LNP1: variants seen among roughly 807,000 people sequenced by gnomAD.
LNP1 encodes the protein leukemia NUP98 fusion partner 1.
In LNP1, 12 loss-of-function variants were observed where a neutral mutation model predicts 14.5. The observed-to-expected ratio is 0.83, with a 90% CI of 0.53 to 1.34. The LOEUF (loss-of-function observed/expected upper bound fraction) is 1.34, where lower values mean the gene tolerates loss of function less well. Among genes scored for constraint, LNP1 ranks in the 40% most tolerant of loss-of-function variants. The pLI is 0.00. For synonymous variants in LNP1, 75 were observed against 71.4 expected (o/e 1.05, Z -0.26); for missense variants, 198 against 210.9 (o/e 0.94, Z 0.38).
chr3:100,407,937 A>G (rs1190633106), intron 1 of LNP1, among the ~76,000 whole-genome samples: 1 of 152,102 alleles, frequency 6.6e-6, no homozygotes, highest in Non-Finnish European at 1.5e-5. Context: ...GTCTGATTTT[A>G]TTATTTCAAT....
chr3:100,429,329 T>A (rs531075215), intron 1 of LNP1, among the ~76,000 whole-genome samples: 1 of 152,194 alleles, frequency 6.6e-6, no homozygotes, highest in East Asian at 1.9e-4. Flanking sequence ...ATTGTGAGGG[T>A]CATGCTCCAT....
At chr3:100,452,184 G>C (rs564044954) in intron 3 of LNP1, among the ~76,000 whole-genome samples, 4 of 150,164 alleles carry the variant, frequency 2.7e-5, no homozygotes, top group South Asian at 2.1e-4. Flanking sequence ...TGTTACCAAA[G>C]TCTTCTAGTT....
chr3:100,447,865 T>C (rs886113005), intron 2 of LNP1, among the ~76,000 whole-genome samples: 12 of 152,196 alleles, frequency 7.9e-5, no homozygotes, highest in African/African-American at 2.9e-4. Flanking sequence ...TTGTTTTATA[T>C]ATGAGCTTTA....
At position 100,425,240 on chromosome 3, in the gene LNP1, C is replaced by T. The variant is rs138685362; in HGVS notation, c.-33-4457C>T. On this transcript the variant is annotated intron_variant, in intron 1 of 3. Transcript: ENST00000383693. ...CAGAGCCCCCAGTGTGTCTTCCCAC[C>T]GTGGGGAATTCAGCCTATGGTTTCC... Among the ~76,000 whole-genome samples, 56 of 152,306 alleles carry T rather than the reference C, an allele frequency of 3.7e-4. No individual in the cohort carries two copies. The East Asian group carries it at 8.5e-3, about 23-fold the overall frequency.
intron 2 of LNP1, among the ~76,000 whole-genome samples, chr3:100,436,943 G>A (rs150107745): frequency 0.01 from 1,551 of 152,260 alleles, 16 homozygotes; most frequent in Middle Eastern, 0.027. Flanking sequence ...GTCATGTGAG[G>A]TTGCAGTGAG....
intron 1 of LNP1, among the ~76,000 whole-genome samples, chr3:100,406,262 G>T (rs943041381): frequency 6.6e-6 from 1 of 152,052 alleles, no homozygotes; most frequent in Non-Finnish European, 1.5e-5. Flanking sequence ...CTCCAGCCTG[G>T]GTGACAGAGT....
At chr3:100,442,432 A>G (rs571300107) in intron 2 of LNP1, among the ~76,000 whole-genome samples, 1 of 152,300 alleles carries the variant, frequency 6.6e-6, no homozygotes, top group East Asian at 1.9e-4. Flanking sequence ...GTTTGGTTTT[A>G]TACATTCTAG....
intron 2 of LNP1, among the ~76,000 whole-genome samples, chr3:100,445,570 A>T (rs951517728): frequency 6.6e-6 from 1 of 152,242 alleles, no homozygotes; most frequent in Non-Finnish European, 1.5e-5. Context: ...AGAGAGATAC[A>T]CGATGTAAGA....
At chr3:100,410,084 T>C (rs1449253348) in intron 1 of LNP1, among the ~76,000 whole-genome samples, 1 of 152,110 alleles carries the variant, frequency 6.6e-6, no homozygotes, top group Non-Finnish European at 1.5e-5. Flanking sequence ...GGTGCTAATG[T>C]AACAGAAAAA....
At chr3:100,407,885 A>G (rs1397867420) in intron 1 of LNP1, among the ~76,000 whole-genome samples, 3 of 151,826 alleles carry the variant, frequency 2.0e-5, no homozygotes, top group South Asian at 2.1e-4. Context: ...GATGCTCTCT[A>G]TTACATTTTT....
intron 1 of LNP1, among the ~76,000 whole-genome samples, chr3:100,414,796 G>A (rs1707065353): frequency 1.3e-5 from 2 of 152,144 alleles, no homozygotes; most frequent in Admixed American, 1.3e-4. Context: ...ATGATGGGTG[G>A]ACTTGGAAGA....
At chr3:100,438,781 A>G (rs545583842) in intron 2 of LNP1, among the ~76,000 whole-genome samples, 2 of 152,266 alleles carry the variant, frequency 1.3e-5, no homozygotes, top group African/African-American at 4.8e-5. Context: ...GCCTGCTGCA[A>G]TGCTGTAGCC....
At chr3:100,450,448 C>T (rs939610227) in intron 2 of LNP1, among the ~76,000 whole-genome samples, 5 of 151,936 alleles carry the variant, frequency 3.3e-5, no homozygotes, top group African/African-American at 1.2e-4. Flanking sequence ...ATTCTCCTGC[C>T]TCAGCCTCCC....
intron 2 of LNP1, among the ~76,000 whole-genome samples, chr3:100,441,637 T>C (rs902463415): frequency 3.4e-5 from 5 of 147,998 alleles, no homozygotes; most frequent in African/African-American, 1.2e-4. Flanking sequence ...TTTAAATATA[T>C]ATATATATAT....
intron 1 of LNP1, among the ~76,000 whole-genome samples, chr3:100,408,734 G>A (rs973598830): frequency 2.0e-5 from 3 of 152,092 alleles, no homozygotes; most frequent in Non-Finnish European, 4.4e-5. Context: ...TGGTATTGGG[G>A]TCCAAGGCAA....
At chr3:100,452,738 A>G (rs1559847600) in intron 3 of LNP1, among the ~76,000 whole-genome samples, 1 of 152,200 alleles carries the variant, frequency 6.6e-6, no homozygotes, top group African/African-American at 2.4e-5. Flanking sequence ...CTAGGTGCTC[A>G]TGGTGACGTC....
intron 1 of LNP1, among the ~76,000 whole-genome samples, chr3:100,411,668 G>T (rs564774625): frequency 6.6e-6 from 1 of 152,206 alleles, no homozygotes; most frequent in African/African-American, 2.4e-5. Context: ...CTCACTGTAG[G>T]CCACCTTCCC....
chr3:100,402,879 A>T (rs935815082), intron 1 of LNP1, among the ~76,000 whole-genome samples: 1 of 152,158 alleles, frequency 6.6e-6, no homozygotes, highest in African/African-American at 2.4e-5. Flanking sequence ...CCCTCTCCAA[A>T]GGGAATCGGT....
intron 2 of LNP1, among the ~76,000 whole-genome samples, chr3:100,447,646 A>G (rs932918305): frequency 1.3e-5 from 2 of 152,182 alleles, no homozygotes; most frequent in Non-Finnish European, 2.9e-5. Flanking sequence ...TGACTTACAC[A>G]GACCTTTCAC....
Sources: allele counts gnomAD v4.1 joint callset (sites outside exome capture counted in the v4.1 genomes callset), GRCh38; gene constraint gnomAD v4.1.1; transcripts MANE v1.5; gene names NCBI Gene and HGNC (gene_info 2026-07-23, HGNC 2026-07-21).